STRIP2: variants seen among roughly 807,000 people sequenced by gnomAD.
The protein encoded by STRIP2 is striatin-interacting protein 2.
STRIP2 carries 84 observed loss-of-function variants against 107.1 expected under a neutral mutation model. That is an observed-to-expected ratio of 0.78 (90% confidence interval 0.66 to 0.94). The LOEUF (loss-of-function observed/expected upper bound fraction) is 0.94. Ranked by LOEUF, STRIP2 falls within the 40% of genes least tolerant of loss-of-function variation. The probability of loss-of-function intolerance (pLI) is 0.00; values close to 1 mark genes in which losing one functional copy is unlikely to be tolerated. For synonymous variants in STRIP2, 394 were observed against 400.4 expected, an observed-to-expected ratio of 0.98 and a Z score of 0.19; for missense variants, 888 against 1,034.2, an observed-to-expected ratio of 0.86 and a Z score of 1.94.
In STRIP2 at chr7:129,458,299, G is replaced by A; in HGVS notation, c.1123G>A (p.Glu375Lys). The change falls in exon 10 of 21, where the codon GAG becomes AAG. Residue 375 changes from glutamate to lysine, a missense_variant. Coordinates refer to ENST00000249344, the MANE Select transcript of STRIP2 (RefSeq NM_020704.3). The surrounding 1 kb of genome is among the most constrained non-coding windows in gnomAD (Gnocchi z 4.6). Reference sequence around the variant, plus strand: ...TGAGGAGCCCGCCACAGAGGAGGAAGAGGAGTCTGCTGGTGATGGAGAACG... The same window carrying A: ...TGAGGAGCCCGCCACAGAGGAGGAAAAGGAGTCTGCTGGTGATGGAGAACG... ...KTEEPATEEE[E>K]ESAGDGERTL... 1 of 1,614,222 alleles carries A rather than the reference G, an allele frequency of 6.2e-7. No homozygotes were observed. Among genetic ancestry groups the A allele is most frequent in the Non-Finnish European group, 8.5e-7 (1 of 1,180,036 alleles).
At chr7:129,464,509 T>G (rs1041044411) in intron 15 of STRIP2, 103 bp from the exon 16 acceptor site, 43 of 1,312,454 alleles carry the variant, frequency 3.3e-5, no homozygotes, top group Non-Finnish European at 4.2e-5. Flanking sequence ...TTTCCCAAGT[T>G]CTGGCTCTCT....
intron 18 of STRIP2, among the ~76,000 whole-genome samples, chr7:129,474,751 AT>A (rs1171350906): frequency 3.9e-5 from 6 of 152,138 alleles, no homozygotes; most frequent in Non-Finnish European, 8.8e-5. Context: ...ACCACAAATG[AT>A]CCACCTGCCT....
chr7:129,479,008 C>T (rs949683651), intron 18 of STRIP2, among the ~76,000 whole-genome samples: 2 of 152,164 alleles, frequency 1.3e-5, no homozygotes, highest in African/African-American at 4.8e-5. Context: ...GGCGCGGTGG[C>T]TCATGCCTAT....
intron 17 of STRIP2, among the ~76,000 whole-genome samples, chr7:129,470,219 G>A (rs917414215): frequency 1.3e-5 from 2 of 152,200 alleles, no homozygotes; most frequent in Non-Finnish European, 2.9e-5. Context: ...AAGATCTGGT[G>A]AGAGACACAG....
intron 20 of STRIP2, among the ~76,000 whole-genome samples, chr7:129,485,093 T>C (rs932214629): frequency 6.6e-6 from 1 of 152,210 alleles, no homozygotes. Context: ...TTCTCCATGT[T>C]ATACCCCTCT....
chr7:129,477,862 C>T, intron 18 of STRIP2: 2 of 459,210 alleles, frequency 4.4e-6, no homozygotes, highest in Admixed American at 4.7e-5. Context: ...ATCTGTGAGC[C>T]CATGTAGACA....
chr7:129,450,110 A>C (rs1291059323), intron 3 of STRIP2, among the ~76,000 whole-genome samples: 2 of 152,222 alleles, frequency 1.3e-5, no homozygotes, highest in African/African-American at 4.8e-5. Context: ...TACTATTAGA[A>C]GTAGATTTCT....
chr7:129,451,826 A>C, intron 4 of STRIP2, 79 bp downstream of exon 4: 1 of 1,561,088 alleles, frequency 6.4e-7, no homozygotes, highest in East Asian at 2.3e-5. Context: ...GAGATGACGC[A>C]GGCTGTGCTG....
At chr7:129,474,522 G>T (rs1798868723) in intron 18 of STRIP2, among the ~76,000 whole-genome samples, 1 of 152,032 alleles carries the variant, frequency 6.6e-6, no homozygotes, top group Admixed American at 6.6e-5. Context: ...TTATTGGGCT[G>T]AAGTAGTCTT....
intron 18 of STRIP2, among the ~76,000 whole-genome samples, chr7:129,476,272 C>T (rs1228149314): frequency 1.3e-5 from 2 of 150,870 alleles, no homozygotes; most frequent in African/African-American, 4.9e-5. Context: ...GGGCGGCTGC[C>T]GGGCAGAGAC....
rs1231457052 is a variant in STRIP2, at chr7:129,458,183, T to G, written c.1039-32T>G. The G allele has an allele frequency of 3.2e-6, 5 of 1,573,980 alleles. No homozygotes were observed. The highest frequency in any genetic ancestry group is 2.2e-5 in the East Asian group (1 of 44,626). On this transcript the variant is annotated intron_variant, in intron 9 of 20. Transcript: ENST00000249344. This position sits in a 1 kb window ranked among gnomAD's most constrained non-coding sequence, Gnocchi z 4.6. ...ACAAGGATGCCCAGAGTGAGATCTC[T>G]GCATGCCTACCCTCCCTTCTTTCCC...
Position 129,464,156 on chromosome 7 carries a change from G to T in STRIP2, c.1649+15G>T. 6.3e-7 allele frequency: 1 copy of T among 1,586,480 alleles called. No individual in the cohort carries two copies. The highest frequency in any genetic ancestry group is 1.1e-5 in the South Asian group (1 of 90,504). On this transcript the variant is annotated intron_variant, in intron 15 of 20. Transcript: ENST00000249344. Reference sequence around the variant, plus strand: ...GAGGAGATGCCGTGAGTGCTTCAACGGGGGCAGCTGCTGGATACTAGCTGT... The same window carrying T: ...GAGGAGATGCCGTGAGTGCTTCAACTGGGGCAGCTGCTGGATACTAGCTGT...
intron 4 of STRIP2, 121 bp from the exon 5 acceptor site, chr7:129,453,106 C>T (rs1165344198): frequency 1.4e-6 from 2 of 1,422,000 alleles, no homozygotes; most frequent in African/African-American, 2.8e-5. Context: ...CCCTGTCATA[C>T]CTATGTCAGC....
chr7:129,471,023 G>A (rs1798777617), intron 18 of STRIP2, among the ~76,000 whole-genome samples: 1 of 152,204 alleles, frequency 6.6e-6, no homozygotes. Flanking sequence ...CTAAATGCAG[G>A]ACAATCTCTT....
intron 16 of STRIP2, among the ~76,000 whole-genome samples, chr7:129,466,068 G>A (rs1477573600): frequency 1.3e-5 from 2 of 152,210 alleles, no homozygotes; most frequent in African/African-American, 4.8e-5. Flanking sequence ...GGGAGGAGTA[G>A]TGGTAGGTAG....
At position 129,483,054 on chromosome 7, in the gene STRIP2, T is replaced by C. The variant is rs775074296; in HGVS notation, c.2254+8T>C. ...ACTGGGCTTACGGGAATGGTGAGTC[T>C]TCCCAAAGCTCTTGACTTCCTGGAG... On this transcript the variant is annotated splice_region_variant and intron_variant, in intron 20 of 20. Coordinates refer to ENST00000249344, the MANE Select transcript of STRIP2 (RefSeq NM_020704.3). The surrounding 1 kb of genome is among the most constrained non-coding windows in gnomAD (Gnocchi z 5.1). The C allele has an allele frequency of 3.7e-6, 6 of 1,613,264 alleles. No individual in the cohort carries two copies. In the Admixed American group the frequency reaches 1.0e-4, roughly 27 times the overall value.
Position 129,440,040 on chromosome 7 carries a change from A to C in STRIP2, c.148A>C (p.Thr50Pro), listed in dbSNP as rs61744175. 6.2e-7 allele frequency: 1 copy of C among 1,613,992 alleles called. No homozygotes were observed. Among genetic ancestry groups the C allele is most frequent in the Admixed American group, 1.7e-5 (1 of 59,996 alleles). ...RESEGSVDCPTLEFEYGDADG... is the reference protein window; with the variant it reads ...RESEGSVDCPPLEFEYGDADG... ...GTTACAGGGCTCTGTGGACTGTCCC[A>C]CTCTGGAGTTTGAGTATGGAGATGC... Residue 50 changes from threonine to proline, a missense_variant, in exon 2 of 21, where the codon ACT (threonine) becomes CCT (proline). Coordinates refer to ENST00000249344, the MANE Select transcript of STRIP2 (RefSeq NM_020704.3).
chr7:129,451,261 G>A (rs1347558554), intron 3 of STRIP2, among the ~76,000 whole-genome samples: 1 of 152,078 alleles, frequency 6.6e-6, no homozygotes, highest in Admixed American at 6.5e-5. Context: ...TTTATATTGG[G>A]CATGTAAGAC....
chr7:129,461,845 A>G lies in STRIP2; in HGVS notation c.1477-1121A>G, dbSNP rs906068153. 2.6e-5 allele frequency among the ~76,000 whole-genome samples: 4 copies of G among 152,242 alleles called. No homozygotes were observed. Among genetic ancestry groups the G allele is most frequent in the Admixed American group, 2.0e-4 (3 of 15,290 alleles). ...GGAGGATGTTTTATAGCTGAGAGAT[A>G]CTAGAGCATTTTTTGTTTCCTAAAA... On this transcript the variant is annotated intron_variant, in intron 13 of 20. Transcript: ENST00000249344. The surrounding 1 kb of genome is among the most constrained non-coding windows in gnomAD (Gnocchi z 4.0).
Sources: gnomAD v4.1 joint callset for allele counts (sites outside exome capture counted in the v4.1 genomes callset) on GRCh38, gnomAD v4.1.1 for gene constraint, Gnocchi (gnomAD v3.1) non-coding constraint, MANE v1.5 for transcripts, NCBI Gene and HGNC (gene_info 2026-07-23, HGNC 2026-07-21) for gene names.